Variants in EML4 observed in about 807,000 individuals in gnomAD.
EML4 encodes EMAP like 4, also known as echinoderm microtubule-associated protein-like 4.
EML4 carries 72 observed loss-of-function variants against 129.0 expected under a neutral mutation model. The ratio of observed to expected loss-of-function variants is 0.56; its 90% CI spans 0.46 to 0.68. The LOEUF is 0.68. Ranked by LOEUF, EML4 falls within the 30% of genes least tolerant of loss-of-function variation. EML4 has a pLI of 0.00. For synonymous variants in EML4, 532 were observed against 405.0 expected (o/e 1.31, Z -3.77); for missense variants, 1,363 against 1,190.6 (o/e 1.14, Z -2.13).
In EML4 at chr2:42,236,410, A is replaced by C. The variant is rs966822100; in HGVS notation, c.26-9095A>C. Among the ~76,000 whole-genome samples the C allele has an allele frequency of 3.9e-5, 6 of 152,182 alleles. 1 individual carries two copies. The highest frequency in any genetic ancestry group is 1.4e-4 in the African/African-American group (6 of 41,446). On this transcript the variant is annotated intron_variant, in intron 1 of 22. Transcript: ENST00000318522. ...CTTGGACATGTCTTTTGATGTATGT[A>C]TGTCTGCAGGAGTTTCTCTAGAACA...
chr2:42,210,244 G>A (rs1450263934), intron 1 of EML4, among the ~76,000 whole-genome samples: 4 of 151,996 alleles, frequency 2.6e-5, no homozygotes, highest in Non-Finnish European at 5.9e-5. Flanking sequence ...GGTTTTTCTT[G>A]TTTTTGATAC....
chr2:42,292,374 C>T (rs947386394), intron 11 of EML4, among the ~76,000 whole-genome samples: 1 of 152,130 alleles, frequency 6.6e-6, no homozygotes, highest in Non-Finnish European at 1.5e-5. Context: ...CTACCCTGCC[C>T]ATCAGCAGGA....
chr2:42,319,141 G>T (rs1365027391), intron 19 of EML4, among the ~76,000 whole-genome samples: 1 of 152,198 alleles, frequency 6.6e-6, no homozygotes, highest in Non-Finnish European at 1.5e-5. Flanking sequence ...GAAGATTAAT[G>T]ACTTGTCATT....
intron 1 of EML4, among the ~76,000 whole-genome samples, chr2:42,173,984 ATTTGTTG>A (rs1670426988): frequency 6.6e-6 from 1 of 152,248 alleles, no homozygotes; most frequent in Non-Finnish European, 1.5e-5. Flanking sequence ...CTGAGAGAAC[ATTTGTTG>A]ATTGCTAGAT....
At chr2:42,238,240 T>G (rs895711582) in intron 1 of EML4, among the ~76,000 whole-genome samples, 1 of 152,136 alleles carries the variant, frequency 6.6e-6, no homozygotes, top group Admixed American at 6.5e-5. Flanking sequence ...ACCAAGCAAT[T>G]CAGATAAGGG....
intron 11 of EML4, 86 bp downstream of exon 11, chr2:42,288,408 T>C: frequency 1.6e-6 from 1 of 622,888 alleles, no homozygotes; most frequent in Non-Finnish European, 2.7e-6. Context: ...ATTAGAACTA[T>C]CTATTCGTAA....
chr2:42,295,581 T>C, intron 13 of EML4, 65 bp downstream of exon 13: 1 of 1,432,766 alleles, frequency 7.0e-7, no homozygotes. Flanking sequence ...CAGTCCCATC[T>C]CTTAGACCAG....
chr2:42,252,157 T>C (rs1307097694), intron 2 of EML4, among the ~76,000 whole-genome samples: 2 of 152,212 alleles, frequency 1.3e-5, no homozygotes, highest in African/African-American at 4.8e-5. Context: ...CGGCAGTTCT[T>C]AGTGATAACT....
At chr2:42,234,061 C>G (rs1674513056) in intron 1 of EML4, among the ~76,000 whole-genome samples, 1 of 152,246 alleles carries the variant, frequency 6.6e-6, no homozygotes, top group African/African-American at 2.4e-5. Context: ...GGTTTAGCCA[C>G]TCCTCAAAGC....
intron 1 of EML4, among the ~76,000 whole-genome samples, chr2:42,203,981 C>T (rs897048480): frequency 1.3e-5 from 2 of 152,078 alleles, no homozygotes; most frequent in African/African-American, 2.4e-5. Context: ...GGTGCAGTGA[C>T]ACAATCATAG....
chr2:42,191,069 T>C (rs1252872992), intron 1 of EML4, among the ~76,000 whole-genome samples: 1 of 152,224 alleles, frequency 6.6e-6, no homozygotes, highest in African/African-American at 2.4e-5. Flanking sequence ...TTTTCTACTT[T>C]ATATATGTGC....
Position 42,304,554 on chromosome 2 carries a change from A to G in EML4, c.1967+3A>G, listed in dbSNP as rs558360097. The stretch of plus-strand genomic sequence containing the variant: ...GCCATAGGAACGCACTCAGGCAGGT[A>G]GGGTCTTTAAGTGAACTGAGTAATC... On this transcript the variant is annotated splice_donor_region_variant and intron_variant, in intron 17 of 22. Coordinates refer to ENST00000318522, the MANE Select transcript of EML4 (RefSeq NM_019063.5). The G allele has an allele frequency of 6.2e-7, 1 of 1,611,152 alleles. No individual in the cohort carries two copies. Among genetic ancestry groups the G allele is most frequent in the African/African-American group, 1.3e-5 (1 of 74,994 alleles).
At chr2:42,286,430 A>G (rs759315086) in intron 10 of EML4, 51 bp downstream of exon 10, 5 of 1,140,178 alleles carry the variant, frequency 4.4e-6, no homozygotes, top group Admixed American at 1.7e-5. Flanking sequence ...AAAGCAGGAA[A>G]GAAGTTAAGC....
rs142071273 is a variant in EML4, at chr2:42,303,411, A to G, written c.1864A>G (p.Met622Val). Residue 622 changes from methionine to valine, a missense_variant, in exon 16 of 23, where the codon ATG becomes GTG. Coordinates refer to ENST00000318522, the MANE Select transcript of EML4 (RefSeq NM_019063.5). ...QDRQVCLWNSMEHRLEWTRLV... is the reference protein window; with the variant it reads ...QDRQVCLWNSVEHRLEWTRLV... ...CAGGCAGGTGTGCCTGTGGAACTCA[A>G]TGGAACACAGGCTGGAATGGACCAG... 118 of 1,614,116 alleles carry G rather than the reference A, an allele frequency of 7.3e-5. No individual in the cohort carries two copies. Among genetic ancestry groups the G allele is most frequent in the Admixed American group, 2.3e-4 (14 of 60,018 alleles).
chr2:42,312,605 G>A (rs1558602601), intron 17 of EML4, among the ~76,000 whole-genome samples: 1 of 151,272 alleles, frequency 6.6e-6, no homozygotes. Flanking sequence ...CCAGGCTGGA[G>A]TGCAGTGGCG....
intron 1 of EML4, among the ~76,000 whole-genome samples, chr2:42,226,188 T>G (rs896292972): frequency 6.6e-6 from 1 of 152,122 alleles, no homozygotes; most frequent in Admixed American, 6.5e-5. Flanking sequence ...ATCTATTAGA[T>G]CTTCCAGATA....
At chr2:42,311,083 T>C (rs1668917317) in intron 17 of EML4, among the ~76,000 whole-genome samples, 1 of 152,238 alleles carries the variant, frequency 6.6e-6, no homozygotes, top group African/African-American at 2.4e-5. Flanking sequence ...GGTTTCTTTT[T>C]TGATAGTCAC....
intron 17 of EML4, among the ~76,000 whole-genome samples, chr2:42,305,222 G>A (rs1668526213): frequency 1.3e-5 from 2 of 152,196 alleles, no homozygotes; most frequent in African/African-American, 4.8e-5. Flanking sequence ...GACCAGCCTG[G>A]GTGAGACACC....
At chr2:42,218,284 A>G (rs1673330841) in intron 1 of EML4, among the ~76,000 whole-genome samples, 1 of 150,916 alleles carries the variant, frequency 6.6e-6, no homozygotes, top group Non-Finnish European at 1.5e-5. Context: ...GTTTTCCATC[A>G]CTTCCAGATG....
Sources: allele counts gnomAD v4.1 joint callset (sites outside exome capture counted in the v4.1 genomes callset), GRCh38; gene constraint gnomAD v4.1.1; transcripts MANE v1.5; gene names NCBI Gene and HGNC (gene_info 2026-07-23, HGNC 2026-07-21).